Variants in KLRG2 observed in about 807,000 individuals in gnomAD.
KLRG2 encodes the protein killer cell lectin like receptor G2.
In KLRG2, 39 loss-of-function variants were observed where a neutral mutation model predicts 35.4. The observed-to-expected ratio is 1.10, with a 90% confidence interval of 0.85 to 1.44. KLRG2 has a LOEUF of 1.44. Ranked by LOEUF, KLRG2 falls within the 40% of genes most tolerant of loss-of-function variation. The pLI is 0.00. For missense variants in KLRG2, 632 were observed against 570.9 expected, an observed-to-expected ratio of 1.11 and a Z score of -1.09; for synonymous variants, 283 against 265.8, an observed-to-expected ratio of 1.06 and a Z score of -0.63.
downstream of KLRG2, among the ~76,000 whole-genome samples, chr7:139,447,780 A>G (rs1042759604): frequency 6.6e-6 from 1 of 152,058 alleles, no homozygotes; most frequent in Non-Finnish European, 1.5e-5. Context: ...AGGGCACATA[A>G]CACAGCTCCA....
At chr7:139,467,871 C>T (rs1019497878) in intron 3 of KLRG2, among the ~76,000 whole-genome samples, 1 of 148,646 alleles carries the variant, frequency 6.7e-6, no homozygotes, top group Non-Finnish European at 1.5e-5. Flanking sequence ...AGGAATGCCT[C>T]TTTGCAGTTG....
At chr7:139,468,089 G>A (rs189713942) in intron 3 of KLRG2, among the ~76,000 whole-genome samples, 1 of 152,226 alleles carries the variant, frequency 6.6e-6, no homozygotes, top group Non-Finnish European at 1.5e-5. Context: ...CCTTTACCTT[G>A]TCTATGAGGT....
downstream of KLRG2, among the ~76,000 whole-genome samples, chr7:139,448,489 A>G (rs187667105): frequency 5.3e-5 from 8 of 152,328 alleles, no homozygotes; most frequent in African/African-American, 1.4e-4. Context: ...CACAATGGTA[A>G]GTATTTGTGT....
At chr7:139,468,433 C>T (rs929518644) in intron 3 of KLRG2, among the ~76,000 whole-genome samples, 1 of 152,158 alleles carries the variant, frequency 6.6e-6, no homozygotes, top group Non-Finnish European at 1.5e-5. Flanking sequence ...TCATAAGCTC[C>T]CCAACTGAGC....
the KLRG2 span, among the ~76,000 whole-genome samples, chr7:139,434,187 AT>A: frequency 1.3e-5 from 2 of 152,212 alleles, no homozygotes; most frequent in Admixed American, 1.3e-4. Flanking sequence ...TGTTTCTAAG[AT>A]TTTTATTGCT....
chr7:139,470,302 C>T (rs1041506011), intron 3 of KLRG2, among the ~76,000 whole-genome samples: 1 of 152,116 alleles, frequency 6.6e-6, no homozygotes, highest in Non-Finnish European at 1.5e-5. Context: ...TCGTGATCTG[C>T]CCGCCTCAGC....
Position 139,453,492 on chromosome 7 carries a change from T to C in KLRG2, c.*95A>G. On this transcript the variant is annotated 3_prime_UTR_variant, in exon 5 of 5. Coordinates refer to ENST00000340940, the MANE Select transcript of KLRG2 (RefSeq NM_198508.4). ...AGCAGAGCATGAAGACCTGGATAAC[T>C]GGGTCCAGGAAGAGGCTGCCCAAGC... is the stretch of plus-strand genomic sequence containing the variant. 5 of 1,339,082 alleles carry C rather than the reference T, an allele frequency of 3.7e-6. No individual in the cohort carries two copies. The highest frequency in any genetic ancestry group is 5.1e-6 in the Non-Finnish European group (5 of 975,876). 83.0% of individuals were successfully genotyped at this position (1,339,082 alleles called of 1,614,324 possible). A position where few individuals can be genotyped will look rare whatever the true frequency, so the allele number is the denominator to read the frequency against.
At chr7:139,458,997 G>A (rs1055676116) in intron 3 of KLRG2, among the ~76,000 whole-genome samples, 3 of 152,196 alleles carry the variant, frequency 2.0e-5, no homozygotes, top group African/African-American at 7.2e-5. Flanking sequence ...GAAAATTCCA[G>A]AGTTCCACAA....
At chr7:139,455,756 G>A (rs1235852618) in intron 3 of KLRG2, among the ~76,000 whole-genome samples, 8 of 152,144 alleles carry the variant, frequency 5.3e-5, no homozygotes, top group Non-Finnish European at 8.8e-5. Flanking sequence ...TATGTGACAA[G>A]AGCAGCACCA....
downstream of KLRG2, among the ~76,000 whole-genome samples, chr7:139,447,918 CCAAT>C (rs1270011612): frequency 6.6e-6 from 1 of 152,164 alleles, no homozygotes; most frequent in Non-Finnish European, 1.5e-5. Flanking sequence ...AAGCCACTTA[CCAAT>C]CAGAGTGTGC....
chr7:139,437,809 CA>C, the KLRG2 span, among the ~76,000 whole-genome samples: 1 of 152,174 alleles, frequency 6.6e-6, no homozygotes, highest in Non-Finnish European at 1.5e-5. Context: ...GAAACATTCA[CA>C]GGAGGGATTG....
intron 3 of KLRG2, among the ~76,000 whole-genome samples, chr7:139,470,701 G>A (rs1465526780): frequency 2.6e-5 from 4 of 152,116 alleles, no homozygotes; most frequent in African/African-American, 9.7e-5. Flanking sequence ...TGAGGCAAGA[G>A]GATTGCTTGA....
chr7:139,454,849 TAATAATAATAA>T (rs1236843040), intron 3 of KLRG2, among the ~76,000 whole-genome samples: 1 of 108,138 alleles, frequency 9.2e-6, no homozygotes, highest in Non-Finnish European at 1.8e-5. Context: ...ATAATAATAA[TAATAATAATAA>T]TAATAACACA....
At chr7:139,472,955 G>C (rs1415243449) in intron 3 of KLRG2, among the ~76,000 whole-genome samples, 1 of 152,212 alleles carries the variant, frequency 6.6e-6, no homozygotes, top group Non-Finnish European at 1.5e-5. Flanking sequence ...TAGAATCCAG[G>C]ATACAGGGTT....
chr7:139,473,008 G>A (rs139677657), intron 3 of KLRG2, among the ~76,000 whole-genome samples: 1,734 of 152,338 alleles, frequency 0.011, 33 homozygotes, highest in African/African-American at 0.036. Context: ...GGAAGGGGAT[G>A]CGGTGGCTCG....
chr7:139,445,767 G>GTATATATATATATATATATATATATGTA, the KLRG2 span, among the ~76,000 whole-genome samples: 13 of 89,616 alleles, frequency 1.5e-4, no homozygotes, highest in African/African-American at 1.3e-3. Flanking sequence ...ATATGTGTAT[G>GTATATATATATATATATATATATATGTA]TATATATATA....
At chr7:139,470,046 G>A (rs1158568197) in intron 3 of KLRG2, among the ~76,000 whole-genome samples, 1 of 152,072 alleles carries the variant, frequency 6.6e-6, no homozygotes. Flanking sequence ...AAAGAAACAG[G>A]GCATGGGTAA....
downstream of KLRG2, among the ~76,000 whole-genome samples, chr7:139,449,922 C>T (rs184150895): frequency 0.045 from 6,879 of 151,552 alleles, 530 homozygotes; most frequent in African/African-American, 0.16. Flanking sequence ...AGGATGGTCT[C>T]GATCTCCTGA....
chr7:139,454,204 C>T lies in KLRG2; in HGVS notation c.1016G>A (p.Gly339Asp). The T allele has an allele frequency of 1.3e-6, 2 of 1,521,088 alleles. No homozygotes were observed. Among genetic ancestry groups the T allele is most frequent in the Admixed American group, 2.0e-5 (1 of 50,444 alleles). The allele number at this position is 1,521,088 out of a possible 1,614,324, so 94.2% of individuals were successfully genotyped here. ...GGAGTGCCTGGAGACTGGGTATCTG[C>T]CCAGGAAGTCCTGAGGGAGAAAAGT... ...PLLSHTQDFL[G>D]RYPVSRHSWV... The change falls in exon 4 of 5, where the codon GGC becomes GAC. Residue 339 changes from glycine to aspartate, a missense_variant. By Grantham distance (94) the Gly-to-Asp change is moderately conservative. Coordinates refer to ENST00000340940, the MANE Select transcript of KLRG2 (RefSeq NM_198508.4).
Sources: gnomAD v4.1 joint callset for allele counts (sites outside exome capture counted in the v4.1 genomes callset) on GRCh38, gnomAD v4.1.1 for gene constraint, MANE v1.5 for transcripts, NCBI Gene and HGNC (gene_info 2026-07-23, HGNC 2026-07-21) for gene names.